Variants in ERC2 observed in about 807,000 individuals in gnomAD.
ERC2 encodes the protein ELKS/RAB6-interacting/CAST family member 2.
ERC2 carries 42 observed loss-of-function variants against 114.8 expected under a neutral mutation model. The observed-to-expected ratio is 0.37, with a 90% CI of 0.29 to 0.47. The LOEUF (loss-of-function observed/expected upper bound fraction) is 0.47, where lower values mean the gene tolerates loss of function less well. Among genes scored for constraint, ERC2 ranks in the 20% least tolerant of loss-of-function variants. ERC2 has a pLI of 0.99. For synonymous variants in ERC2, 454 were observed against 425.5 expected (o/e 1.07, Z -0.82); for missense variants, 939 against 1,150.7 (o/e 0.82, Z 2.66).
chr3:56,133,205 A>C (rs1023354624), intron 6 of ERC2, among the ~76,000 whole-genome samples: 1 of 152,216 alleles, frequency 6.6e-6, no homozygotes, highest in Non-Finnish European at 1.5e-5. Context: ...TGGGAAGCTG[A>C]GGCGGGCAAA....
At chr3:55,669,746 C>T (rs1316082715) in intron 17 of ERC2, among the ~76,000 whole-genome samples, 1 of 152,294 alleles carries the variant, frequency 6.6e-6, no homozygotes, top group East Asian at 1.9e-4. Context: ...TATATCCAAC[C>T]CATCCCAGCC....
intron 14 of ERC2, among the ~76,000 whole-genome samples, chr3:55,867,376 C>G (rs576197065): frequency 7.9e-5 from 12 of 151,826 alleles, no homozygotes; most frequent in Admixed American, 5.9e-4. Flanking sequence ...TAGGGTTTAA[C>G]TCAAATAGTT....
At chr3:55,658,291 C>T (rs1454872484) in intron 17 of ERC2, 1 of 152,186 alleles carries the variant, frequency 6.6e-6, no homozygotes, top group African/African-American at 2.4e-5. Context: ...CAAATTTCAT[C>T]ACTCCAGCTT....
intron 17 of ERC2, among the ~76,000 whole-genome samples, chr3:55,622,371 A>T (rs1450466805): frequency 2.0e-5 from 3 of 152,188 alleles, no homozygotes; most frequent in Non-Finnish European, 4.4e-5. Context: ...TGGATCTTAA[A>T]ATGTAATGGT....
intron 14 of ERC2, among the ~76,000 whole-genome samples, chr3:55,836,800 G>A (rs1436553702): frequency 3.9e-5 from 6 of 152,058 alleles, no homozygotes; most frequent in South Asian, 2.1e-4. Flanking sequence ...AAGAAACTAC[G>A]ATGAGAGTGA....
intron 6 of ERC2, among the ~76,000 whole-genome samples, chr3:56,133,766 A>T (rs1389230863): frequency 6.6e-6 from 1 of 152,230 alleles, no homozygotes. Flanking sequence ...CTCAGTAATA[A>T]AATTACATTT....
At chr3:55,521,565 C>A (rs1164980517) in intron 17 of ERC2, among the ~76,000 whole-genome samples, 1 of 152,210 alleles carries the variant, frequency 6.6e-6, no homozygotes, top group Non-Finnish European at 1.5e-5. Context: ...TCAGGCTGGG[C>A]CATTTCCAGA....
At chr3:55,716,132 T>C (rs559464638) in intron 15 of ERC2, among the ~76,000 whole-genome samples, 1 of 152,340 alleles carries the variant, frequency 6.6e-6, no homozygotes, top group East Asian at 1.9e-4. Flanking sequence ...TATCACACTC[T>C]TTCTTAAGAA....
At chr3:55,543,052 A>C (rs1287877598) in intron 17 of ERC2, among the ~76,000 whole-genome samples, 1 of 152,154 alleles carries the variant, frequency 6.6e-6, no homozygotes, top group Non-Finnish European at 1.5e-5. Flanking sequence ...GTTTCACTGC[A>C]AGTCCATGAG....
rs149237726 is a variant in ERC2 at position 56,094,069 on chromosome 3, A to G, written c.1474-13085T>C. Among the ~76,000 whole-genome samples the G allele has an allele frequency of 4.0e-3, 603 of 152,328 alleles. 10 individuals carry two copies. The highest frequency in any genetic ancestry group is 0.014 in the African/African-American group (579 of 41,594). ...ATTGATTTAACTTACCTTTCCCCAC[A>G]TCTATTTTTTCCCACCGAACCCGTT... On this transcript the variant is annotated intron_variant, in intron 6 of 17. Transcript: ENST00000288221.
chr3:55,820,072 C>A (rs1399935927), intron 14 of ERC2, among the ~76,000 whole-genome samples: 1 of 152,136 alleles, frequency 6.6e-6, no homozygotes, highest in Non-Finnish European at 1.5e-5. Context: ...TTGCAGACTG[C>A]TGTCTGGAGA....
chr3:56,011,708 A>G (rs1217143490), intron 8 of ERC2, among the ~76,000 whole-genome samples: 1 of 152,202 alleles, frequency 6.6e-6, no homozygotes, highest in East Asian at 1.9e-4. Context: ...TATCCAACAC[A>G]TATCTAAACT....
intron 3 of ERC2, among the ~76,000 whole-genome samples, chr3:56,228,684 T>G (rs2150169835): frequency 6.6e-6 from 1 of 152,352 alleles, no homozygotes; most frequent in East Asian, 1.9e-4. Context: ...TATCTGAGTT[T>G]CTGCTTTCAG....
intron 14 of ERC2, among the ~76,000 whole-genome samples, chr3:55,844,317 A>G (rs936457562): frequency 1.3e-5 from 2 of 152,374 alleles, no homozygotes; most frequent in Admixed American, 1.3e-4. Flanking sequence ...TGAAAAACAG[A>G]ATGGTTTAAA....
At chr3:56,276,773 G>A (rs1324607368) in intron 3 of ERC2, among the ~76,000 whole-genome samples, 1 of 152,158 alleles carries the variant, frequency 6.6e-6, no homozygotes, top group African/African-American at 2.4e-5. Flanking sequence ...CACATTGGAA[G>A]AAGAATTGTC....
intron 2 of ERC2, among the ~76,000 whole-genome samples, chr3:56,384,864 T>C (rs925633461): frequency 1.3e-5 from 2 of 152,184 alleles, no homozygotes; most frequent in Non-Finnish European, 2.9e-5. Flanking sequence ...ATATATGATA[T>C]AAGGTAAGGG....
chr3:56,084,019 A>G (rs1035299809), intron 6 of ERC2, among the ~76,000 whole-genome samples: 2 of 152,148 alleles, frequency 1.3e-5, no homozygotes, highest in Non-Finnish European at 2.9e-5. Flanking sequence ...GGAAAGAAAA[A>G]AAAAGAATAA....
At chr3:55,857,582 G>C (rs924733207) in intron 14 of ERC2, among the ~76,000 whole-genome samples, 12 of 151,952 alleles carry the variant, frequency 7.9e-5, no homozygotes, top group Non-Finnish European at 1.3e-4. Flanking sequence ...CACTAATACA[G>C]AAAACAAAAC....
intron 14 of ERC2, among the ~76,000 whole-genome samples, chr3:55,841,505 G>C (rs1291246519): frequency 6.6e-6 from 1 of 152,030 alleles, no homozygotes; most frequent in Non-Finnish European, 1.5e-5. Context: ...CCCAGTCTCG[G>C]GTATGTCTTT....
Sources: gnomAD v4.1 joint callset for allele counts (sites outside exome capture counted in the v4.1 genomes callset) on GRCh38, gnomAD v4.1.1 for gene constraint, MANE v1.5 for transcripts, NCBI Gene and HGNC (gene_info 2026-07-23, HGNC 2026-07-21) for gene names.